Variants in EFCAB5 observed in about 807,000 individuals in gnomAD.
The protein encoded by EFCAB5 is EF-hand calcium binding domain 5, also known as EF-hand calcium-binding domain-containing protein 5.
Under a neutral mutation model 167.9 loss-of-function variants are expected in EFCAB5, and 131 were observed. That is an observed-to-expected ratio of 0.78 (90% confidence interval 0.68 to 0.90). EFCAB5 has a LOEUF of 0.90. Among genes scored for constraint, EFCAB5 ranks in the 40% least tolerant of loss-of-function variants. EFCAB5 has a pLI of 0.00. For synonymous variants in EFCAB5, 574 were observed against 602.8 expected, an observed-to-expected ratio of 0.95 and a Z score of 0.70; for missense variants, 1,663 against 1,745.2, an observed-to-expected ratio of 0.95 and a Z score of 0.84.
chr17:30,079,283 T>C (rs1236477050), intron 15 of EFCAB5, among the ~76,000 whole-genome samples: 2 of 152,168 alleles, frequency 1.3e-5, no homozygotes, highest in Non-Finnish European at 2.9e-5. Context: ...CAGAGGTCTG[T>C]GGTATCCTAA....
intron 13 of EFCAB5, 84 bp downstream of exon 13, chr17:30,057,974 C>T (rs1443168382): frequency 4.0e-5 from 52 of 1,285,820 alleles, no homozygotes; most frequent in Non-Finnish European, 4.9e-5. Flanking sequence ...CGATGTGGCT[C>T]GTGTTAAAAA....
At position 29,969,372 on chromosome 17, in the gene EFCAB5, A is replaced by C. The variant is rs757233670; in HGVS notation, c.767+5A>C. On this transcript the variant is annotated splice_donor_5th_base_variant and intron_variant, in intron 4 of 22. Transcript: ENST00000394835. The stretch of plus-strand genomic sequence containing the variant: ...TCCTGACACTATCTGCAACAGGTAC[A>C]ATCTGTTATAGTTTCAGTTCATGAT... The C allele has an allele frequency of 6.4e-7, 1 of 1,560,794 alleles. No homozygotes were observed. Among genetic ancestry groups the C allele is most frequent in the South Asian group, 1.2e-5 (1 of 80,604 alleles).
At chr17:29,993,099 G>T (rs1029714637) in intron 4 of EFCAB5, 66 bp from the exon 5 acceptor site, 1 of 1,404,922 alleles carries the variant, frequency 7.1e-7, no homozygotes, top group Non-Finnish European at 9.4e-7. Context: ...CTGAATTCCT[G>T]TGTTCCAATC....
intron 22 of EFCAB5, among the ~76,000 whole-genome samples, chr17:30,098,681 T>C (rs1039022585): frequency 1.3e-5 from 2 of 152,206 alleles, no homozygotes; most frequent in East Asian, 3.8e-4. Flanking sequence ...TTTCACTCTT[T>C]GTACATTTTA....
intron 8 of EFCAB5, among the ~76,000 whole-genome samples, chr17:30,046,332 C>T (rs1340790633): frequency 2.0e-5 from 3 of 152,048 alleles, no homozygotes; most frequent in Non-Finnish European, 4.4e-5. Flanking sequence ...CTGCATTTGG[C>T]CATAATTACA....
At chr17:29,946,426 T>C (rs765007469) in intron 3 of EFCAB5, among the ~76,000 whole-genome samples, 31 of 130,726 alleles carry the variant, frequency 2.4e-4, no homozygotes, top group Non-Finnish European at 4.6e-4. Flanking sequence ...AGTATGGAAA[T>C]TTCTTTTTTT....
chr17:30,057,627 C>A (rs760413703), intron 12 of EFCAB5, 49 bp from the exon 13 acceptor site: 1 of 1,519,862 alleles, frequency 6.6e-7, no homozygotes, highest in Non-Finnish European at 9.0e-7. Flanking sequence ...TTTTCCCTAA[C>A]TGAAAAAATT....
chr17:30,014,734 T>C (rs1567715170), intron 7 of EFCAB5, among the ~76,000 whole-genome samples: 2 of 152,214 alleles, frequency 1.3e-5, no homozygotes, highest in African/African-American at 2.4e-5. Flanking sequence ...AGCACACTGA[T>C]GGGCCTTGAC....
chr17:29,961,906 C>T (rs2067726816), intron 3 of EFCAB5, among the ~76,000 whole-genome samples: 1 of 152,170 alleles, frequency 6.6e-6, no homozygotes, highest in African/African-American at 2.4e-5. Flanking sequence ...TTCTTTTACA[C>T]GATGTATCAG....
chr17:30,046,541 G>A (rs1250274828), intron 8 of EFCAB5, among the ~76,000 whole-genome samples: 1 of 152,180 alleles, frequency 6.6e-6, no homozygotes, highest in Non-Finnish European at 1.5e-5. Context: ...CAAATATAAT[G>A]TGACAGAATC....
At position 30,034,158 on chromosome 17, in the gene EFCAB5, T is replaced by A. The variant is rs1435285127; in HGVS notation, c.1045-72T>A. 75 of 1,545,418 alleles carry A rather than the reference T, an allele frequency of 4.9e-5. No individual in the cohort carries two copies. The East Asian group carries it at 1.7e-3, about 35-fold the overall frequency. On this transcript the variant is annotated intron_variant, in intron 7 of 22. Transcript: ENST00000394835. Reference sequence around the variant, plus strand: ...GCCAATGTATTTCATGCACATTGGTTGAATCCTGGGGAAAATCCAAGTAGA... The same window carrying A: ...GCCAATGTATTTCATGCACATTGGTAGAATCCTGGGGAAAATCCAAGTAGA...
At chr17:30,058,038 T>G (rs2070323844) in intron 13 of EFCAB5, 148 bp downstream of exon 13, 1 of 686,300 alleles carries the variant, frequency 1.5e-6, no homozygotes, top group Non-Finnish European at 2.4e-6. Flanking sequence ...TTAAAGATTC[T>G]ATTTTATCAT....
intron 4 of EFCAB5, among the ~76,000 whole-genome samples, chr17:29,971,586 CTT>C (rs571046748): frequency 6.9e-4 from 105 of 152,176 alleles, no homozygotes; most frequent in Non-Finnish European, 1.4e-3. Flanking sequence ...AAAATTAAGA[CTT>C]GATTTTATCA....
chr17:30,027,573 C>A (rs2069364591), intron 7 of EFCAB5, among the ~76,000 whole-genome samples: 2 of 152,058 alleles, frequency 1.3e-5, no homozygotes, highest in South Asian at 2.1e-4. Flanking sequence ...TACGTCCAAA[C>A]AGAAGTCTCC....
chr17:30,086,519 G>A (rs1035913367), intron 18 of EFCAB5, among the ~76,000 whole-genome samples: 2 of 152,088 alleles, frequency 1.3e-5, no homozygotes, highest in African/African-American at 4.8e-5. Context: ...GTCGAGGTGG[G>A]TGGATCACCT....
At chr17:29,992,478 G>A (rs1405148356) in intron 4 of EFCAB5, among the ~76,000 whole-genome samples, 3 of 152,176 alleles carry the variant, frequency 2.0e-5, no homozygotes, top group African/African-American at 7.2e-5. Context: ...CTTACGAGTA[G>A]CTGGGACTAC....
intron 4 of EFCAB5, among the ~76,000 whole-genome samples, chr17:29,974,022 T>C (rs1344678759): frequency 1.3e-5 from 2 of 150,988 alleles, no homozygotes; most frequent in East Asian, 2.0e-4. Context: ...CTGAGTGTGG[T>C]GGTGTGTGCC....
chr17:30,013,156 T>C (rs1238785156), intron 7 of EFCAB5, among the ~76,000 whole-genome samples: 4 of 152,038 alleles, frequency 2.6e-5, no homozygotes, highest in Non-Finnish European at 5.9e-5. Context: ...TGAAGCCAAC[T>C]TGATCTTGGT....
At chr17:30,083,786 T>C (rs2071035648) in intron 18 of EFCAB5, among the ~76,000 whole-genome samples, 1 of 152,178 alleles carries the variant, frequency 6.6e-6, no homozygotes, top group Admixed American at 6.5e-5. Flanking sequence ...CTGAGATACA[T>C]ACCCCTGGCC....
Sources: gnomAD v4.1 joint callset for allele counts (sites outside exome capture counted in the v4.1 genomes callset) on GRCh38, gnomAD v4.1.1 for gene constraint, MANE v1.5 for transcripts, NCBI Gene and HGNC (gene_info 2026-07-23, HGNC 2026-07-21) for gene names.